Variants in DLG2 observed in about 807,000 individuals in gnomAD.
The protein encoded by DLG2 is discs large MAGUK scaffold protein 2, also known as disks large homolog 2.
Under a neutral mutation model 132.5 loss-of-function variants are expected in DLG2, and 45 were observed. The observed-to-expected ratio is 0.34, with a 90% CI of 0.27 to 0.44. The LOEUF (loss-of-function observed/expected upper bound fraction) is 0.44. Ranked by LOEUF, DLG2 falls within the 20% of genes least tolerant of loss-of-function variation. The probability of loss-of-function intolerance (pLI) is 1.00; values close to 1 mark genes in which losing one functional copy is unlikely to be tolerated. For missense variants in DLG2, 1,045 were observed against 1,196.9 expected, an observed-to-expected ratio of 0.87 and a Z score of 1.87; for synonymous variants, 424 against 419.6, an observed-to-expected ratio of 1.01 and a Z score of -0.13.
chr11:84,989,018 T>C (rs1331898897), intron 6 of DLG2, among the ~76,000 whole-genome samples: 1 of 151,850 alleles, frequency 6.6e-6, no homozygotes, highest in Non-Finnish European at 1.5e-5. Flanking sequence ...GGATACAAGA[T>C]AAACATAAAA....
intron 9 of DLG2, among the ~76,000 whole-genome samples, chr11:84,162,939 G>C (rs2095579479): frequency 6.6e-6 from 1 of 151,898 alleles, no homozygotes; most frequent in African/African-American, 2.4e-5. Context: ...GGGTTGTGTT[G>C]CACAGTTTCC....
intron 17 of DLG2, among the ~76,000 whole-genome samples, chr11:83,828,776 G>C (rs190273626): frequency 3.3e-5 from 5 of 152,270 alleles, no homozygotes; most frequent in Admixed American, 3.3e-4. Flanking sequence ...AGAGTTGATA[G>C]TAATAGCAAC....
intron 18 of DLG2, among the ~76,000 whole-genome samples, chr11:83,711,029 T>C (rs2085294334): frequency 6.6e-6 from 1 of 152,156 alleles, no homozygotes. Flanking sequence ...GCCTGATACT[T>C]GGTTAGGTGA....
intron 8 of DLG2, among the ~76,000 whole-genome samples, chr11:84,213,320 C>T (rs1183152533): frequency 6.6e-6 from 1 of 152,064 alleles, no homozygotes; most frequent in African/African-American, 2.4e-5. Context: ...GATGTGAGCT[C>T]CTTAAGAGCA....
chr11:83,646,184 G>A (rs2068105249), intron 18 of DLG2, among the ~76,000 whole-genome samples: 1 of 152,130 alleles, frequency 6.6e-6, no homozygotes, highest in African/African-American at 2.4e-5. Context: ...CTGGACGCAA[G>A]AGGATGTGAA....
At chr11:84,257,297 C>T (rs2097488762) in intron 7 of DLG2, among the ~76,000 whole-genome samples, 2 of 152,148 alleles carry the variant, frequency 1.3e-5, no homozygotes, top group African/African-American at 4.8e-5. Context: ...TGGAGTTCCA[C>T]ATCTCTAGGT....
intron 4 of DLG2, among the ~76,000 whole-genome samples, chr11:85,209,758 C>T (rs2082140598): frequency 1.3e-5 from 2 of 151,696 alleles, no homozygotes; most frequent in Non-Finnish European, 2.9e-5. Flanking sequence ...AGTCTCTTCA[C>T]CGAAATTCAT....
At chr11:83,710,006 T>C (rs1039277652) in intron 18 of DLG2, among the ~76,000 whole-genome samples, 2 of 152,126 alleles carry the variant, frequency 1.3e-5, no homozygotes, top group Admixed American at 1.3e-4. Context: ...TGAAAGATTT[T>C]AGAAAAAGCA....
At chr11:85,086,360 T>A (rs1041432013) in intron 6 of DLG2, among the ~76,000 whole-genome samples, 2 of 152,170 alleles carry the variant, frequency 1.3e-5, no homozygotes, top group Non-Finnish European at 1.5e-5. Context: ...CCAAAGTTTA[T>A]GGAACATGGG....
intron 6 of DLG2, among the ~76,000 whole-genome samples, chr11:84,865,224 A>C (rs942123136): frequency 1.3e-5 from 2 of 152,188 alleles, no homozygotes; most frequent in Non-Finnish European, 2.9e-5. Flanking sequence ...ACTGCTAATC[A>C]ATCAAAACAT....
intron 15 of DLG2, among the ~76,000 whole-genome samples, chr11:83,927,245 C>T (rs1236165801): frequency 6.6e-6 from 1 of 152,052 alleles, no homozygotes; most frequent in Non-Finnish European, 1.5e-5. Flanking sequence ...TATAGCAGTG[C>T]CCAAAAATAC....
At chr11:83,922,716 C>T (rs987940823) in intron 15 of DLG2, among the ~76,000 whole-genome samples, 1 of 152,022 alleles carries the variant, frequency 6.6e-6, no homozygotes, top group African/African-American at 2.4e-5. Context: ...ACAGAGTGAA[C>T]GTGATTAAGG....
intron 6 of DLG2, among the ~76,000 whole-genome samples, chr11:84,586,010 G>T (rs2099528841): frequency 6.6e-6 from 1 of 152,152 alleles, no homozygotes; most frequent in Non-Finnish European, 1.5e-5. Context: ...AACTAGCCGG[G>T]CATGATGGTG....
At chr11:84,752,399 G>T (rs2066247502) in intron 6 of DLG2, among the ~76,000 whole-genome samples, 1 of 152,070 alleles carries the variant, frequency 6.6e-6, no homozygotes, top group South Asian at 2.1e-4. Context: ...TATGTGCTGT[G>T]AAAATAACTT....
intron 18 of DLG2, among the ~76,000 whole-genome samples, chr11:83,693,244 G>T (rs879766702): frequency 5.3e-5 from 8 of 152,070 alleles, no homozygotes; most frequent in Non-Finnish European, 1.0e-4. Flanking sequence ...GACCATGCTG[G>T]GTCTGGGGGC....
At chr11:85,510,867 A>G (rs2094048973) in intron 3 of DLG2, among the ~76,000 whole-genome samples, 2 of 152,198 alleles carry the variant, frequency 1.3e-5, no homozygotes, top group Non-Finnish European at 2.9e-5. Flanking sequence ...CCATCCCATT[A>G]CTGGGTATAC....
intron 7 of DLG2, among the ~76,000 whole-genome samples, chr11:84,277,752 G>A (rs1225319201): frequency 6.6e-6 from 1 of 152,124 alleles, no homozygotes; most frequent in Non-Finnish European, 1.5e-5. Flanking sequence ...CAATGAAAAT[G>A]AAAGCTGGTT....
intron 3 of DLG2, among the ~76,000 whole-genome samples, chr11:85,386,898 T>C (rs549620249): frequency 6.6e-6 from 1 of 151,462 alleles, no homozygotes; most frequent in East Asian, 1.9e-4. Flanking sequence ...TTTCTTTTTT[T>C]TTTCTTTTTT....
chr11:84,871,180 C>T (rs896992347), intron 6 of DLG2, among the ~76,000 whole-genome samples: 5 of 152,182 alleles, frequency 3.3e-5, no homozygotes, highest in South Asian at 2.1e-4. Context: ...ACCACTGGTG[C>T]GTATGAGAAT....
Sources: allele counts gnomAD v4.1 joint callset (sites outside exome capture counted in the v4.1 genomes callset), GRCh38; gene constraint gnomAD v4.1.1; transcripts MANE v1.5; gene names NCBI Gene and HGNC (gene_info 2026-07-23, HGNC 2026-07-21).